The following CPSF4 variants were observed in gnomAD, a reference collection of about 807,000 sequenced individuals.
The protein encoded by CPSF4 is cleavage and polyadenylation specific factor 4, also known as cleavage and polyadenylation specificity factor subunit 4.
CPSF4 carries 11 observed loss-of-function variants against 37.7 expected under a neutral mutation model. That is an observed-to-expected ratio of 0.29 (90% CI 0.18 to 0.48). The LOEUF (loss-of-function observed/expected upper bound fraction) is 0.48, where lower values mean the gene tolerates loss of function less well. CPSF4 is among the 20% of genes least tolerant of loss of function. The probability of loss-of-function intolerance (pLI) is 0.99; values close to 1 mark genes in which losing one functional copy is unlikely to be tolerated. For synonymous variants in CPSF4, 132 were observed against 135.9 expected (o/e 0.97, Z 0.20); for missense variants, 144 against 359.5 (o/e 0.40, Z 4.85).
chr7:99,444,540 A>G (rs1449198435), intron 1 of CPSF4, among the ~76,000 whole-genome samples: 1 of 152,090 alleles, frequency 6.6e-6, no homozygotes, highest in African/African-American at 2.4e-5. Context: ...AGGATCTTAT[A>G]TACAGGAGGC....
rs1359654925 is a variant in CPSF4 at position 99,450,752 on chromosome 7, C to T, written c.454C>T (p.Leu152Phe). The change falls in exon 5 of 8, where the codon CTC (leucine) becomes TTC (phenylalanine). Residue 152 changes from leucine to phenylalanine, a missense_variant. Around this residue, in one of 4 missense-constraint regions of CPSF4, gnomAD observed 86 missense variants for 141.5 expected, o/e 0.61. Transcript: ENST00000292476. ...ACGGAGAGTCATCTGTGTGAATTAC[C>T]TCGTGGGATTCTGCCCGGAGGGGCC... ...HTRRVICVNY[L>F]VGFCPEGPSC... The T allele has an allele frequency of 6.2e-7, 1 of 1,614,110 alleles. No homozygotes were observed. Among genetic ancestry groups the T allele is most frequent in the Non-Finnish European group, 8.5e-7 (1 of 1,180,002 alleles).
chr7:99,440,674 ATT>A lies in CPSF4; in HGVS notation c.103+1507_103+1508del, dbSNP rs1195402168. On this transcript the variant is annotated intron_variant, in intron 1 of 7. Coordinates refer to ENST00000292476, the MANE Select transcript of CPSF4 (RefSeq NM_006693.4). ...ACCTGGCATATATATATATATATATATTTTTTTTTTTTTTTTTTTCCTGCCTG... is the reference window on the plus strand; with the variant it reads ...ACCTGGCATATATATATATATATATATTTTTTTTTTTTTTTTTCCTGCCTG... Among the ~76,000 whole-genome samples, 464 of 88,024 alleles carry A rather than the reference ATT, an allele frequency of 5.3e-3. 7 individuals are homozygous for A. Among genetic ancestry groups the A allele is most frequent in the East Asian group, 6.4e-3 (19 of 2,976 alleles). 57.7% of individuals were successfully genotyped at this position (88,024 alleles called of 152,430 possible).
At chr7:99,447,862 G>T in intron 2 of CPSF4, 1 of 535,368 alleles carries the variant, frequency 1.9e-6, no homozygotes, top group Non-Finnish European at 3.6e-6. Context: ...CGCCCACCTC[G>T]GCCTTCCAAA....
intron 2 of CPSF4, among the ~76,000 whole-genome samples, chr7:99,446,939 A>G (rs2150995045): frequency 6.6e-6 from 1 of 150,632 alleles, no homozygotes; most frequent in African/African-American, 2.4e-5. Context: ...ACAGGTGCAC[A>G]CCACCACGCC....
At chr7:99,454,201 C>A in intron 7 of CPSF4, 65 bp downstream of exon 7, 3 of 1,374,356 alleles carry the variant, frequency 2.2e-6, no homozygotes, top group Non-Finnish European at 3.0e-6. Flanking sequence ...TTCCCTCATG[C>A]CCCATGTGTT....
rs45522534 is a variant in CPSF4 at position 99,443,343 on chromosome 7, T to A, written c.104-1446T>A. 1.9e-3 allele frequency: 1,942 copies of A among 1,039,842 alleles called. 32 individuals are homozygous for A. In the African/African-American group the frequency reaches 0.027, roughly 14 times the overall value. 64.4% of individuals were successfully genotyped at this position (1,039,842 alleles called of 1,614,324 possible). A position where few individuals can be genotyped will look rare whatever the true frequency, so the allele number is the denominator to read the frequency against. ...TTCTGTTTCATCTCCTAGTACATCT[T>A]CATTTGCCTCCTCTTCAGCATGTTC... On this transcript the variant is annotated intron_variant, in intron 1 of 7. Coordinates refer to ENST00000292476, the MANE Select transcript of CPSF4 (RefSeq NM_006693.4).
At chr7:99,439,404 C>T (rs1478638648) in intron 1 of CPSF4, 2 of 484,406 alleles carry the variant, frequency 4.1e-6, no homozygotes, top group Non-Finnish European at 7.3e-6. Context: ...TTACCGAACT[C>T]CCTCATCTGT....
intron 1 of CPSF4, among the ~76,000 whole-genome samples, chr7:99,443,764 C>T (rs938252021): frequency 2.0e-5 from 3 of 151,804 alleles, no homozygotes; most frequent in African/African-American, 4.8e-5. Context: ...ACTAAAAATA[C>T]AAAAAAATTG....
At chr7:99,440,674 A>ATATATATATATATTTTT in intron 1 of CPSF4, among the ~76,000 whole-genome samples, 1 of 88,088 alleles carries the variant, frequency 1.1e-5, no homozygotes, top group African/African-American at 9.7e-5. Context: ...ATATATATAT[A>ATATATATATATATTTTT]TTTTTTTTTT....
chr7:99,456,640 G>C lies in CPSF4; in HGVS notation c.*140G>C, dbSNP rs45556132. ...GGGTTTCATCACTCTGAGGGGCCAC[G>C]TCTGTTAGTTTCCTATCATTTTGCC... On this transcript the variant is annotated 3_prime_UTR_variant, in exon 8 of 8. Coordinates refer to ENST00000292476, the MANE Select transcript of CPSF4 (RefSeq NM_006693.4). 11 of 728,912 alleles carry C rather than the reference G, an allele frequency of 1.5e-5. No homozygotes were observed. 45.2% of individuals were successfully genotyped at this position (728,912 alleles called of 1,614,324 possible). A position where few individuals can be genotyped will look rare whatever the true frequency, so the allele number is the denominator to read the frequency against.
At chr7:99,454,267 A>T in intron 7 of CPSF4, 131 bp downstream of exon 7, 2 of 867,016 alleles carry the variant, frequency 2.3e-6, no homozygotes, top group Non-Finnish European at 3.5e-6. Context: ...GCATAAAGTT[A>T]CAGTCTAGTT....
At chr7:99,447,944 T>C (rs1050733630) in intron 2 of CPSF4, 177 bp from the exon 3 acceptor site, 2 of 636,480 alleles carry the variant, frequency 3.1e-6, no homozygotes, top group Non-Finnish European at 5.7e-6. Context: ...TGTCTGTCAG[T>C]GTAGTACCTC....
At position 99,448,365 on chromosome 7, in the gene CPSF4, T is replaced by G; in HGVS notation, c.307+92T>G. The stretch of plus-strand genomic sequence containing the variant: ...AGTGCCCACACTGTCTCTGCCTGCT[T>G]TTCCCATCTTTCTATTCTCAGAGGA... On this transcript the variant is annotated intron_variant, in intron 3 of 7. Transcript: ENST00000292476. The surrounding 1 kb of genome is among the most constrained non-coding windows in gnomAD (Gnocchi z 4.4). The G allele has an allele frequency of 2.2e-6, 3 of 1,360,980 alleles. No homozygotes were observed. The highest frequency in any genetic ancestry group is 3.0e-6 in the Non-Finnish European group (3 of 1,006,154). The allele number at this position is 1,360,980 out of a possible 1,614,324, so 84.3% of individuals were successfully genotyped here.
intron 7 of CPSF4, 124 bp downstream of exon 7, chr7:99,454,260 TA>T: frequency 1.1e-6 from 1 of 935,048 alleles, no homozygotes; most frequent in Non-Finnish European, 1.6e-6. Context: ...ATTGTAAGCA[TA>T]AAGTTACAGT....
intron 7 of CPSF4, 65 bp downstream of exon 7, chr7:99,454,201 C>T: frequency 7.3e-7 from 1 of 1,374,358 alleles, no homozygotes; most frequent in Non-Finnish European, 1.0e-6. Flanking sequence ...TTCCCTCATG[C>T]CCCATGTGTT....
Position 99,453,730 on chromosome 7 carries a change from T to G in CPSF4, c.571-236T>G. The G allele has an allele frequency of 1.0e-5, 5 of 487,798 alleles. No homozygotes were observed. The highest frequency in any genetic ancestry group is 7.3e-6 in the Non-Finnish European group (2 of 275,690). 30.2% of individuals were successfully genotyped at this position (487,798 alleles called of 1,614,324 possible). On this transcript the variant is annotated intron_variant, in intron 6 of 7. Transcript: ENST00000292476. This position sits in a 1 kb window ranked among gnomAD's most constrained non-coding sequence, Gnocchi z 4.7. ...AGACCTCCTCTTGTCTCTTTGATGT[T>G]TTGTTTTCTATTTTATTTTTCGTTT...
rs949011508 is a variant in CPSF4 at position 99,439,435 on chromosome 7, TC to T, written c.103+252del. 3.9e-5 allele frequency: 16 copies of T among 412,578 alleles called. No homozygotes were observed. In the East Asian group the frequency reaches 3.9e-4, roughly 10 times the overall value. 25.6% of individuals were successfully genotyped at this position (412,578 alleles called of 1,614,324 possible). A position where few individuals can be genotyped will look rare whatever the true frequency, so the allele number is the denominator to read the frequency against. Reference sequence around the variant, plus strand: ...TCTGTGGTCCCGAGACTCTTCCCACTCCATCCTGAGACCTCCTCTTCTGGAT... The same window carrying T: ...TCTGTGGTCCCGAGACTCTTCCCACTCATCCTGAGACCTCCTCTTCTGGAT... On this transcript the variant is annotated intron_variant, in intron 1 of 7. Transcript: ENST00000292476.
chr7:99,456,133 G>T (rs1447680301), intron 7 of CPSF4, among the ~76,000 whole-genome samples: 1 of 152,242 alleles, frequency 6.6e-6, no homozygotes, highest in Non-Finnish European at 1.5e-5. Flanking sequence ...CATGTGTCCA[G>T]GTGGGAGAGT....
At chr7:99,454,514 A>C (rs1798170335) in intron 7 of CPSF4, among the ~76,000 whole-genome samples, 1 of 152,146 alleles carries the variant, frequency 6.6e-6, no homozygotes, top group Non-Finnish European at 1.5e-5. Flanking sequence ...CCGAGAAAAC[A>C]GGACACTGGG....
Sources: gnomAD v4.1 joint callset for allele counts (sites outside exome capture counted in the v4.1 genomes callset) on GRCh38, gnomAD v4.1.1 for gene constraint, gnomAD v4.1.1 regional missense constraint, Gnocchi (gnomAD v3.1) non-coding constraint, MANE v1.5 for transcripts, NCBI Gene and HGNC (gene_info 2026-07-23, HGNC 2026-07-21) for gene names.